Variants in PRUNE2 observed in about 807,000 individuals in gnomAD.
The protein encoded by PRUNE2 is prune homolog 2 with BCH domain, also known as protein prune homolog 2.
PRUNE2 carries 164 observed loss-of-function variants against 252.0 expected under a neutral mutation model. The ratio of observed to expected loss-of-function variants is 0.65; its 90% confidence interval spans 0.57 to 0.74. The LOEUF (loss-of-function observed/expected upper bound fraction) is 0.74. Among genes scored for constraint, PRUNE2 ranks in the 30% least tolerant of loss-of-function variants. PRUNE2 has a pLI of 0.00. For missense variants in PRUNE2, 3,495 were observed against 3,711.0 expected (o/e 0.94, Z 1.51); for synonymous variants, 1,292 against 1,350.2 (o/e 0.96, Z 0.94).
At position 76,710,053 on chromosome 9, in the gene PRUNE2, G is replaced by A; in HGVS notation, c.2221C>T (p.Gln741Ter). Reference sequence around the variant, plus strand: ...GGTGACTTCTCCATGGGCAGGTTCTGGAACGGCAAGCTTTCCTCATTTTTG... The same window carrying A: ...GGTGACTTCTCCATGGGCAGGTTCTAGAACGGCAAGCTTTCCTCATTTTTG... ...QDKNEESLPF[Q>*]NLPMEKSPLP... The change falls in exon 8 of 19, where the codon CAG becomes TAG. Residue 741 changes from glutamine (Q) to a stop codon, truncating the protein, a stop_gained. Coordinates refer to ENST00000376718, the MANE Select transcript of PRUNE2 (RefSeq NM_015225.3). LOFTEE classifies it high-confidence loss of function. 6.2e-7 allele frequency: 1 copy of A among 1,613,888 alleles called. No homozygotes were observed.
intron 9 of PRUNE2, among the ~76,000 whole-genome samples, chr9:76,671,967 A>G (rs1316447627): frequency 6.6e-6 from 1 of 152,124 alleles, no homozygotes; most frequent in Non-Finnish European, 1.5e-5. Flanking sequence ...TGTAAAGACC[A>G]TCGAGACTAG....
Position 76,708,670 on chromosome 9 carries a change from T to C in PRUNE2, c.3604A>G (p.Ser1202Gly), listed in dbSNP as rs745517695. ...TTCTCATTCAATGTGTGATGTTCAC[T>C]GGGAGCACTGTCCTTGGTATGCTCA... ...SDEHTKDSAP[S>G]EHHTLNEKSG... Residue 1202 changes from serine (S) to glycine (G), a missense_variant, in exon 8 of 19, where the codon AGT (serine) becomes GGT (glycine). Physicochemically the swap from Ser to Gly is moderately conservative, Grantham distance 56. Coordinates refer to ENST00000376718, the MANE Select transcript of PRUNE2 (RefSeq NM_015225.3). 6.2e-7 allele frequency: 1 copy of C among 1,613,890 alleles called. No homozygotes were observed. Among genetic ancestry groups the C allele is most frequent in the Non-Finnish European group, 8.5e-7 (1 of 1,179,904 alleles).
intron 1 of PRUNE2, among the ~76,000 whole-genome samples, chr9:76,901,173 C>A (rs58866313): frequency 6.6e-6 from 1 of 152,076 alleles, no homozygotes; most frequent in African/African-American, 2.4e-5. Context: ...TGGGACAATC[C>A]GCAGCTGTTC....
At chr9:76,639,817 G>A (rs1183682643) in intron 12 of PRUNE2, among the ~76,000 whole-genome samples, 2 of 152,178 alleles carry the variant, frequency 1.3e-5, no homozygotes, top group Non-Finnish European at 2.9e-5. Flanking sequence ...CGGAAAGTGT[G>A]GCCATTGAAA....
At chr9:76,787,325 T>C (rs1199501972) in intron 6 of PRUNE2, 1 of 152,110 alleles carries the variant, frequency 6.6e-6, no homozygotes, top group Non-Finnish European at 1.5e-5. Context: ...TTCTCTATAG[T>C]ATCAATTTAT....
intron 4 of PRUNE2, among the ~76,000 whole-genome samples, chr9:76,840,225 A>AC (rs1485330250): frequency 6.6e-6 from 1 of 152,226 alleles, no homozygotes; most frequent in Non-Finnish European, 1.5e-5. Flanking sequence ...AAAGGAGCTA[A>AC]CAAGTAAGAT....
At chr9:76,729,876 T>C (rs2048414712) in intron 6 of PRUNE2, among the ~76,000 whole-genome samples, 1 of 152,192 alleles carries the variant, frequency 6.6e-6, no homozygotes, top group Non-Finnish European at 1.5e-5. Context: ...TAATGTGGAA[T>C]AAAAACTTAG....
At chr9:76,881,969 C>A (rs919024539) in intron 1 of PRUNE2, among the ~76,000 whole-genome samples, 1 of 152,108 alleles carries the variant, frequency 6.6e-6, no homozygotes, top group African/African-American at 2.4e-5. Context: ...TGTAATCTTT[C>A]ATGACTGGCT....
In PRUNE2 at chr9:76,709,743, G is replaced by C; in HGVS notation, c.2531C>G (p.Ser844Cys). 1 of 1,613,994 alleles carries C rather than the reference G, an allele frequency of 6.2e-7. No homozygotes were observed. Among genetic ancestry groups the C allele is most frequent in the Non-Finnish European group, 8.5e-7 (1 of 1,179,886 alleles). The change falls in exon 8 of 19, where the codon TCT (serine) becomes TGT (cysteine). Residue 844 changes from serine (S) to cysteine (C), a missense_variant. Ser to Cys is a moderately radical substitution (Grantham distance 112). Coordinates refer to ENST00000376718, the MANE Select transcript of PRUNE2 (RefSeq NM_015225.3). ...WAMAKSGFAF[S>C]SSELLDNSPS... ...TGAATTGTCCAGTAGTTCTGAAGAA[G>C]AAAAGGCAAACCCACTTTTTGCCAT... is the stretch of plus-strand genomic sequence containing the variant.
chr9:76,868,848 G>C (rs2061007138), intron 1 of PRUNE2: 2 of 116,904 alleles, frequency 1.7e-5, no homozygotes, highest in Admixed American at 1.8e-4. Context: ...GGGGGGGGGG[G>C]CGGGGGGGAA....
intron 1 of PRUNE2, among the ~76,000 whole-genome samples, chr9:76,904,793 CAG>C (rs2063385282): frequency 1.3e-5 from 2 of 152,296 alleles, no homozygotes; most frequent in African/African-American, 4.8e-5. Context: ...AAGATAGTTA[CAG>C]TTAGACCATT....
chr9:76,813,934 A>T (rs1008135628), intron 6 of PRUNE2, among the ~76,000 whole-genome samples: 3 of 152,154 alleles, frequency 2.0e-5, no homozygotes, highest in Non-Finnish European at 2.9e-5. Context: ...CTCCTGCCTC[A>T]GCCCCCCAAG....
intron 1 of PRUNE2, among the ~76,000 whole-genome samples, chr9:76,897,880 G>A (rs12378494): frequency 6.6e-6 from 1 of 152,194 alleles, no homozygotes; most frequent in Admixed American, 6.5e-5. Context: ...AGACAGCTAA[G>A]AATTGTTCCT....
rs117957060 is a variant in PRUNE2 at position 76,775,946 on chromosome 9, C to T, written c.756+47686G>A. Among the ~76,000 whole-genome samples, 263 of 142,874 alleles carry T rather than the reference C, an allele frequency of 1.8e-3. 1 individual carries two copies. Among genetic ancestry groups the T allele is most frequent in the Non-Finnish European group, 3.5e-3 (225 of 64,820 alleles). The allele number at this position is 142,874 out of a possible 152,430, so 93.7% of individuals were successfully genotyped here. A position where few individuals can be genotyped will look rare whatever the true frequency, so the allele number is the denominator to read the frequency against. On this transcript the variant is annotated intron_variant, in intron 6 of 18. Transcript: ENST00000376718. ...CATCCCTAAACCTAATTCCACTCTT[C>T]TCTATTTCCTTCCAAAAAATTCCAG...
chr9:76,759,134 A>G (rs1397738419), intron 6 of PRUNE2: 1 of 152,008 alleles, frequency 6.6e-6, no homozygotes, highest in Admixed American at 6.6e-5. Flanking sequence ...CAGCCACAGA[A>G]GCCTTGCCTG....
intron 4 of PRUNE2, among the ~76,000 whole-genome samples, chr9:76,835,294 A>G (rs996634902): frequency 5.3e-5 from 8 of 152,112 alleles, no homozygotes; most frequent in African/African-American, 1.9e-4. Flanking sequence ...AAGGGTCTTA[A>G]ATCTTTTTTT....
At chr9:76,769,656 A>G (rs1211539939) in intron 6 of PRUNE2, among the ~76,000 whole-genome samples, 3 of 152,148 alleles carry the variant, frequency 2.0e-5, no homozygotes, top group Non-Finnish European at 4.4e-5. Flanking sequence ...AACTCCCGAC[A>G]TCAGGTGATC....
chr9:76,750,499 T>C (rs1229856319), intron 6 of PRUNE2, among the ~76,000 whole-genome samples: 2 of 152,210 alleles, frequency 1.3e-5, no homozygotes, highest in Non-Finnish European at 2.9e-5. Flanking sequence ...AAATTAGTTT[T>C]CCTATGCATA....
chr9:76,619,650 T>C (rs1391957145), intron 17 of PRUNE2, among the ~76,000 whole-genome samples: 1 of 152,250 alleles, frequency 6.6e-6, no homozygotes, highest in Non-Finnish European at 1.5e-5. Context: ...TCCTCATTTT[T>C]CCCTGCCTTT....
Sources: gnomAD v4.1 joint callset for allele counts (sites outside exome capture counted in the v4.1 genomes callset) on GRCh38, gnomAD v4.1.1 for gene constraint, MANE v1.5 for transcripts, NCBI Gene and HGNC (gene_info 2026-07-23, HGNC 2026-07-21) for gene names.